Variants in KCTD16 observed in about 807,000 individuals in gnomAD.
KCTD16 encodes potassium channel tetramerization domain containing 16.
A neutral mutation model predicts 33.2 loss-of-function variants in KCTD16; 13 were observed. The observed-to-expected ratio is 0.39, with a 90% CI of 0.25 to 0.62. The LOEUF (loss-of-function observed/expected upper bound fraction) is 0.62. Ranked by LOEUF, KCTD16 falls within the 20% of genes least tolerant of loss-of-function variation. The pLI is 0.50. For missense variants in KCTD16, 441 were observed against 525.1 expected, an observed-to-expected ratio of 0.84 and a Z score of 1.57; for synonymous variants, 197 against 195.3, an observed-to-expected ratio of 1.01 and a Z score of -0.07.
intron 3 of KCTD16, among the ~76,000 whole-genome samples, chr5:144,386,658 A>G (rs1421129790): frequency 6.6e-6 from 1 of 152,242 alleles, no homozygotes; most frequent in Non-Finnish European, 1.5e-5. Context: ...TGAATTTCTT[A>G]GCTTAATGCA....
intron 1 of KCTD16, among the ~76,000 whole-genome samples, chr5:144,173,348 G>T (rs2126768578): frequency 6.6e-6 from 1 of 152,314 alleles, no homozygotes; most frequent in East Asian, 1.9e-4. Flanking sequence ...AGATGGAGCT[G>T]CAGGACATTA....
Position 144,473,728 on chromosome 5 carries a change from G to C in KCTD16, c.901G>C (p.Gly301Arg), listed in dbSNP as rs773239066. ...CCKNGKGDKEGESGTSCNDLS... is the reference protein window; with the variant it reads ...CCKNGKGDKERESGTSCNDLS... ...CAAGAATGGCAAAGGTGACAAAGAA[G>C]GGGAGAGCGGCACGTCTTGCAATGA... is the stretch of plus-strand genomic sequence containing the variant. The change falls in exon 4 of 4, where the codon GGG becomes CGG. Residue 301 changes from glycine (G) to arginine (R), a missense_variant. Gly to Arg is a moderately radical substitution (Grantham distance 125, BLOSUM62 -2). This residue lies in a region of KCTD16 where 355 missense variants were observed against 413.0 expected (regional missense o/e 0.86). Transcript: ENST00000512467. The C allele has an allele frequency of 2.5e-6, 4 of 1,612,646 alleles. No individual in the cohort carries two copies. The highest frequency in any genetic ancestry group is 2.5e-6 in the Non-Finnish European group (3 of 1,178,748).
At chr5:144,312,298 A>G (rs1751787860) in intron 3 of KCTD16, among the ~76,000 whole-genome samples, 1 of 152,142 alleles carries the variant, frequency 6.6e-6, no homozygotes, top group Non-Finnish European at 1.5e-5. Flanking sequence ...CCCCATTAGT[A>G]ATGTCCATGA....
chr5:144,299,089 TCA>T (rs1289213239), intron 3 of KCTD16, among the ~76,000 whole-genome samples: 12 of 45,042 alleles, frequency 2.7e-4, no homozygotes, highest in Middle Eastern at 9.8e-3. Context: ...TATATATATA[TCA>T]CTATGTATAT....
intron 3 of KCTD16, among the ~76,000 whole-genome samples, chr5:144,239,907 G>A (rs1417826030): frequency 6.6e-6 from 1 of 152,082 alleles, no homozygotes; most frequent in African/African-American, 2.4e-5. Flanking sequence ...GGAAATGAAT[G>A]AATTTTGGAA....
At chr5:144,378,911 G>A (rs753300416) in intron 3 of KCTD16, among the ~76,000 whole-genome samples, 13 of 152,100 alleles carry the variant, frequency 8.5e-5, no homozygotes, top group Non-Finnish European at 1.2e-4. Flanking sequence ...GCTAACATTC[G>A]TCATAGGAGA....
At chr5:144,343,036 TTC>T (rs1561574149) in intron 3 of KCTD16, among the ~76,000 whole-genome samples, 1 of 152,228 alleles carries the variant, frequency 6.6e-6, no homozygotes, top group Non-Finnish European at 1.5e-5. Flanking sequence ...TGGTCTAAAA[TTC>T]TCTTTTTGGT....
At chr5:144,242,097 T>G (rs557071840) in intron 3 of KCTD16, among the ~76,000 whole-genome samples, 16 of 152,324 alleles carry the variant, frequency 1.1e-4, no homozygotes, top group African/African-American at 3.4e-4. Context: ...TTATTTTATT[T>G]TTTTTGAAGG....
intron 3 of KCTD16, among the ~76,000 whole-genome samples, chr5:144,417,984 T>C (rs1359888540): frequency 2.6e-5 from 4 of 152,116 alleles, no homozygotes; most frequent in Admixed American, 1.3e-4. Flanking sequence ...TGTTCAGAAG[T>C]GTCCAGAGTT....
intron 3 of KCTD16, among the ~76,000 whole-genome samples, chr5:144,350,102 AT>A (rs1353127624): frequency 6.6e-6 from 1 of 152,168 alleles, no homozygotes; most frequent in African/African-American, 2.4e-5. Flanking sequence ...TCGCTACAGA[AT>A]TATCCAGAAT....
At chr5:144,304,574 T>G (rs1235998041) in intron 3 of KCTD16, among the ~76,000 whole-genome samples, 1 of 152,070 alleles carries the variant, frequency 6.6e-6, no homozygotes, top group Non-Finnish European at 1.5e-5. Flanking sequence ...ATAAAGCAGT[T>G]TCCTTTCTGT....
At chr5:144,250,614 G>A (rs1296174035) in intron 3 of KCTD16, among the ~76,000 whole-genome samples, 2 of 152,142 alleles carry the variant, frequency 1.3e-5, no homozygotes, top group African/African-American at 2.4e-5. Context: ...GTGCAAATTA[G>A]GATTTAGAAT....
intron 3 of KCTD16, among the ~76,000 whole-genome samples, chr5:144,345,999 A>G (rs1249562718): frequency 3.4e-5 from 5 of 148,570 alleles, no homozygotes; most frequent in African/African-American, 5.0e-5. Flanking sequence ...CCTCCCCCCA[A>G]GTCCCTCATT....
chr5:144,389,032 A>C (rs1752393496), intron 3 of KCTD16, among the ~76,000 whole-genome samples: 1 of 152,184 alleles, frequency 6.6e-6, no homozygotes, highest in African/African-American at 2.4e-5. Context: ...GAGCCACAGA[A>C]ATTTGGCTTC....
chr5:144,422,616 T>C (rs1179397647), intron 3 of KCTD16, among the ~76,000 whole-genome samples: 1 of 152,178 alleles, frequency 6.6e-6, no homozygotes. Context: ...AGTCAAATTT[T>C]CTCATCATCT....
intron 3 of KCTD16, among the ~76,000 whole-genome samples, chr5:144,375,251 C>T (rs1752063801): frequency 6.6e-6 from 1 of 152,174 alleles, no homozygotes. Context: ...CTCATGCTCT[C>T]TGGCAAGTGT....
chr5:144,395,312 T>A (rs1752545009), intron 3 of KCTD16, among the ~76,000 whole-genome samples: 1 of 152,320 alleles, frequency 6.6e-6, no homozygotes, highest in East Asian at 1.9e-4. Context: ...GTGTCTGATA[T>A]ACTGAACTAA....
chr5:144,349,228 G>C lies in KCTD16; in HGVS notation c.833-124432G>C, dbSNP rs535076871. ...GCACTCTCCTTTAAGCCCAAGAGGT[G>C]GTGCTTTGCATGGTTTACATGTGTG... is the stretch of plus-strand genomic sequence containing the variant. On this transcript the variant is annotated intron_variant, in intron 3 of 3. Coordinates refer to ENST00000512467, the MANE Select transcript of KCTD16 (RefSeq NM_020768.4). 4.6e-4 allele frequency among the ~76,000 whole-genome samples: 70 copies of C among 152,268 alleles called. 1 individual carries two copies. The highest frequency in any genetic ancestry group is 3.4e-3 in the Middle Eastern group (1 of 294).
intron 3 of KCTD16, among the ~76,000 whole-genome samples, chr5:144,452,172 C>T (rs1580975867): frequency 1.4e-5 from 2 of 140,542 alleles, no homozygotes; most frequent in South Asian, 4.2e-4. Flanking sequence ...ATATTCCTGT[C>T]ACTCTCTAAG....
Sources: gnomAD v4.1 joint callset for allele counts (sites outside exome capture counted in the v4.1 genomes callset) on GRCh38, gnomAD v4.1.1 for gene constraint, gnomAD v4.1.1 regional missense constraint, MANE v1.5 for transcripts, NCBI Gene and HGNC (gene_info 2026-07-23, HGNC 2026-07-21) for gene names.